EMSY: variants seen among roughly 807,000 people sequenced by gnomAD.
EMSY encodes EMSY transcriptional repressor, BRCA2 interacting.
Under a neutral mutation model 134.6 loss-of-function variants are expected in EMSY, and 26 were observed. That is an observed-to-expected ratio of 0.19 (90% CI 0.14 to 0.27). The LOEUF is 0.27. Ranked by LOEUF, EMSY falls within the 10% of genes least tolerant of loss-of-function variation. The probability of loss-of-function intolerance (pLI) is 1.00; values close to 1 mark genes in which losing one functional copy is unlikely to be tolerated. For missense variants in EMSY, 1,305 were observed against 1,611.4 expected, an observed-to-expected ratio of 0.81 and a Z score of 3.26; for synonymous variants, 579 against 577.8, an observed-to-expected ratio of 1.00 and a Z score of -0.03.
At chr11:76,481,901 G>C (rs1948996019) in intron 8 of EMSY, among the ~76,000 whole-genome samples, 1 of 152,208 alleles carries the variant, frequency 6.6e-6, no homozygotes, top group Admixed American at 6.5e-5. Context: ...GCTCTGCTAA[G>C]GGACAGACTG....
chr11:76,472,082 C>T (rs1948594605), intron 7 of EMSY, among the ~76,000 whole-genome samples: 1 of 152,234 alleles, frequency 6.6e-6, no homozygotes, highest in Non-Finnish European at 1.5e-5. Context: ...CCATTTGTCT[C>T]TGCGTGACAT....
In EMSY at chr11:76,518,701, A is replaced by ATTT. The variant is rs1254003029; in HGVS notation, c.1684+2390_1684+2391insTTT. Among the ~76,000 whole-genome samples, 393 of 120,468 alleles carry ATTT rather than the reference A, an allele frequency of 3.3e-3. 1 individual carries two copies. Among genetic ancestry groups the ATTT allele is most frequent in the Non-Finnish European group, 4.9e-3 (294 of 59,494 alleles). The allele number at this position is 120,468 out of a possible 152,430, so 79.0% of individuals were successfully genotyped here. On this transcript the variant is annotated intron_variant, in intron 11 of 20. Coordinates refer to ENST00000334736, the Ensembl canonical transcript of EMSY. Reference sequence around the variant, plus strand: ...TGTGCGCGCATATATATATATATATATATTTTTTTTTTAATTGGGATCTAA... The same window carrying ATTT: ...TGTGCGCGCATATATATATATATATATTTTATTTTTTTTTTAATTGGGATCTAA...
exon 15 of EMSY, chr11:76,536,006 C>T (rs1343496921): frequency 3.1e-6 from 5 of 1,599,432 alleles, no homozygotes; most frequent in Non-Finnish European, 4.3e-6. Flanking sequence ...TCCAGTGAAT[C>T]ACAATCAGCT....
intron 14 of EMSY, among the ~76,000 whole-genome samples, chr11:76,533,607 T>C (rs1951121195): frequency 2.0e-5 from 3 of 152,202 alleles, no homozygotes; most frequent in South Asian, 4.1e-4. Flanking sequence ...TATGAAAGTA[T>C]GATCTAGGCC....
exon 21 of EMSY, chr11:76,550,586 T>C (rs978505652): frequency 6.5e-6 from 1 of 152,872 alleles, no homozygotes; most frequent in Non-Finnish European, 1.5e-5. Context: ...TTTTTGCAAA[T>C]CCCTGGAAGT....
chr11:76,514,610 G>A (rs1402487924), intron 10 of EMSY, among the ~76,000 whole-genome samples: 1 of 152,114 alleles, frequency 6.6e-6, no homozygotes, highest in Non-Finnish European at 1.5e-5. Flanking sequence ...TATATAACAT[G>A]AAATTTACCA....
At chr11:76,503,008 C>T (rs985777865) in intron 9 of EMSY, among the ~76,000 whole-genome samples, 4 of 151,898 alleles carry the variant, frequency 2.6e-5, no homozygotes, top group African/African-American at 7.3e-5. Context: ...AAGTAAAAAT[C>T]ACAGGCAGGA....
chr11:76,547,257 C>G (rs1373991736), intron 20 of EMSY, among the ~76,000 whole-genome samples: 8 of 152,180 alleles, frequency 5.3e-5, no homozygotes, highest in African/African-American at 1.9e-4. Flanking sequence ...TAAACTTTCT[C>G]TTTGCCATGA....
At chr11:76,465,540 G>GT (rs1470286787) in intron 7 of EMSY, among the ~76,000 whole-genome samples, 1 of 149,216 alleles carries the variant, frequency 6.7e-6, no homozygotes, top group Non-Finnish European at 1.5e-5. Flanking sequence ...CATTTATAGA[G>GT]TTTTTCATTT....
At chr11:76,504,300 AAT>A (rs748491107) in intron 9 of EMSY, among the ~76,000 whole-genome samples, 4 of 148,914 alleles carry the variant, frequency 2.7e-5, no homozygotes, top group East Asian at 1.9e-4. Context: ...ATATATATAT[AAT>A]ATATATATAT....
intron 9 of EMSY, among the ~76,000 whole-genome samples, chr11:76,511,679 A>G (rs1387820224): frequency 4.6e-5 from 7 of 152,184 alleles, no homozygotes; most frequent in Admixed American, 2.6e-4. Context: ...CAGCCTGGAG[A>G]CAGAGTGAGA....
At chr11:76,464,442 A>G (rs1948268032) in intron 7 of EMSY, among the ~76,000 whole-genome samples, 1 of 152,240 alleles carries the variant, frequency 6.6e-6, no homozygotes, top group African/African-American at 2.4e-5. Context: ...TTGCCAAAGT[A>G]GTAAAGTTGT....
chr11:76,462,193 C>T (rs10899220), intron 6 of EMSY, among the ~76,000 whole-genome samples: 60,997 of 151,688 alleles, frequency 0.4, 12,658 homozygotes, highest in South Asian at 0.51. Context: ...GAGCTGAGAT[C>T]GCACCACTGC....
intron 12 of EMSY, 33 bp from the exon 14 acceptor site, chr11:76,526,428 TA>T (rs1565348046): frequency 6.5e-7 from 1 of 1,529,526 alleles, no homozygotes; most frequent in Middle Eastern, 1.7e-4. Context: ...TATATGCATA[TA>T]AATCTCTTAT....
chr11:76,506,586 G>A (rs900933046), intron 9 of EMSY, among the ~76,000 whole-genome samples: 4 of 152,036 alleles, frequency 2.6e-5, no homozygotes, highest in Non-Finnish European at 4.4e-5. Flanking sequence ...AATTACAAAG[G>A]GCACTAAAAC....
intron 3 of EMSY, 110 bp downstream of exon 3, chr11:76,452,067 G>T (rs1947692610): frequency 1.6e-6 from 1 of 631,276 alleles, no homozygotes; most frequent in East Asian, 3.3e-5. Context: ...GAACAGAGGT[G>T]TTCAAATTGT....
At chr11:76,471,386 T>C (rs1176452675) in intron 7 of EMSY, among the ~76,000 whole-genome samples, 2 of 152,200 alleles carry the variant, frequency 1.3e-5, no homozygotes, top group Non-Finnish European at 2.9e-5. Flanking sequence ...GTGTGATACA[T>C]TGTTATAGCT....
chr11:76,486,340 T>G (rs1298127805), intron 8 of EMSY, among the ~76,000 whole-genome samples: 3 of 152,180 alleles, frequency 2.0e-5, no homozygotes, highest in Non-Finnish European at 4.4e-5. Flanking sequence ...CCATGGCACG[T>G]GTATACTTAT....
chr11:76,522,855 T>C (rs1335218503), intron 11 of EMSY, among the ~76,000 whole-genome samples: 2 of 152,200 alleles, frequency 1.3e-5, no homozygotes, highest in Non-Finnish European at 2.9e-5. Flanking sequence ...GATTTGTTTC[T>C]TTTAACTAGT....
Sources: gnomAD v4.1 joint callset for allele counts (sites outside exome capture counted in the v4.1 genomes callset) on GRCh38, gnomAD v4.1.1 for gene constraint, MANE v1.5 for transcripts, NCBI Gene and HGNC (gene_info 2026-07-23, HGNC 2026-07-21) for gene names.